The following AVPR1A variants were observed in gnomAD, a reference collection of about 807,000 sequenced individuals.
AVPR1A encodes the protein arginine vasopressin receptor 1A, also known as vasopressin V1a receptor.
AVPR1A carries 31 observed loss-of-function variants against 31.5 expected under a neutral mutation model. The observed-to-expected ratio is 0.99, with a 90% confidence interval of 0.74 to 1.33. AVPR1A has a LOEUF of 1.33. AVPR1A is among the 40% of genes most tolerant of loss of function. The probability of loss-of-function intolerance (pLI) is 0.00; values close to 1 mark genes in which losing one functional copy is unlikely to be tolerated. For synonymous variants in AVPR1A, 243 were observed against 233.2 expected (o/e 1.04, Z -0.38); for missense variants, 570 against 575.2 (o/e 0.99, Z 0.09).
intron 1 of AVPR1A, 135 bp from the exon 2 acceptor site, chr12:63,147,780 G>A: frequency 6.2e-6 from 6 of 962,178 alleles, no homozygotes; most frequent in Non-Finnish European, 9.0e-6. Flanking sequence ...ATCAATCAGG[G>A]AAATGGGGAG....
rs1040336808 is a variant in AVPR1A at position 63,143,511 on chromosome 12, C to T, written c.*3848G>A. ...ATGTGTGTGATTCGAACCATTTACACTGTCTTAAGCACTCAAAAGAAAGAA... is the reference window on the plus strand; with the variant it reads ...ATGTGTGTGATTCGAACCATTTACATTGTCTTAAGCACTCAAAAGAAAGAA... On this transcript the variant is annotated 3_prime_UTR_variant, in exon 2 of 2. Coordinates refer to ENST00000299178, the MANE Select transcript of AVPR1A (RefSeq NM_000706.5). The T allele has an allele frequency of 1.3e-5, 2 of 152,196 alleles. No individual in the cohort carries two copies. Among genetic ancestry groups the T allele is most frequent in the African/African-American group, 4.8e-5 (2 of 41,454 alleles). 9.4% of individuals were successfully genotyped at this position (152,196 alleles called of 1,614,324 possible). A position where few individuals can be genotyped will look rare whatever the true frequency, so the allele number is the denominator to read the frequency against.
chr12:63,145,146 A>C lies in AVPR1A; in HGVS notation c.*2213T>G, dbSNP rs1868347953. 4.9e-6 allele frequency: 1 copy of C among 205,440 alleles called. No homozygotes were observed. Among genetic ancestry groups the C allele is most frequent in the African/African-American group, 2.3e-5 (1 of 43,096 alleles). The allele number at this position is 205,440 out of a possible 1,614,324, so 12.7% of individuals were successfully genotyped here. A position where few individuals can be genotyped will look rare whatever the true frequency, so the allele number is the denominator to read the frequency against. ...ACTCAAATAATGAATTAATTAATTTAGTTATGGCTTATATTGGACAGTACC... is the reference window on the plus strand; with the variant it reads ...ACTCAAATAATGAATTAATTAATTTCGTTATGGCTTATATTGGACAGTACC... On this transcript the variant is annotated 3_prime_UTR_variant, in exon 2 of 2. Coordinates refer to ENST00000299178, the MANE Select transcript of AVPR1A (RefSeq NM_000706.5).
At chr12:63,147,765 T>A (rs1868380318) in intron 1 of AVPR1A, 120 bp from the exon 2 acceptor site, 5 of 1,137,596 alleles carry the variant, frequency 4.4e-6, no homozygotes, top group African/African-American at 1.6e-5. Flanking sequence ...TGAACTATTT[T>A]GTTTATCAAT....
chr12:63,145,180 G>C lies in AVPR1A; in HGVS notation c.*2179C>G. 1 of 313,364 alleles carries C rather than the reference G, an allele frequency of 3.2e-6. No homozygotes were observed. Among genetic ancestry groups the C allele is most frequent in the South Asian group, 2.9e-5 (1 of 34,926 alleles). 19.4% of individuals were successfully genotyped at this position (313,364 alleles called of 1,614,324 possible). ...TTATATTGGACAGTACCCTTTAAGA[G>C]ACATATTTGTTATTTTTAGAAAGAA... On this transcript the variant is annotated 3_prime_UTR_variant, in exon 2 of 2. Transcript: ENST00000299178.
rs1868479915 is a variant in AVPR1A at position 63,151,158 on chromosome 12, T to C, written c.-322A>G. On this transcript the variant is annotated 5_prime_UTR_variant, in exon 1 of 2. Coordinates refer to ENST00000299178, the MANE Select transcript of AVPR1A (RefSeq NM_000706.5). ...AGTATTTATGCGGTGCTTGTTTCCT[T>C]GGGACGCGCTCCCTCCCGCCCTATT... The C allele has an allele frequency of 6.9e-6, 2 of 288,994 alleles. No individual in the cohort carries two copies. Among genetic ancestry groups the C allele is most frequent in the Non-Finnish European group, 1.3e-5 (2 of 154,116 alleles). The allele number at this position is 288,994 out of a possible 1,614,324, so 17.9% of individuals were successfully genotyped here.
Position 63,146,308 on chromosome 12 carries a change from C to T in AVPR1A, c.*1051G>A, listed in dbSNP as rs1868359084. ...TTCCATCTGTCACCCATGTCCCAAC[C>T]CTGTCTCATCTCTGCTTTGCAATTG... On this transcript the variant is annotated 3_prime_UTR_variant, in exon 2 of 2. Transcript: ENST00000299178. 1 of 152,180 alleles carries T rather than the reference C, an allele frequency of 6.6e-6. No homozygotes were observed. Among genetic ancestry groups the T allele is most frequent in the African/African-American group, 2.4e-5 (1 of 41,444 alleles). The allele number at this position is 152,180 out of a possible 1,614,324, so 9.4% of individuals were successfully genotyped here. A position where few individuals can be genotyped will look rare whatever the true frequency, so the allele number is the denominator to read the frequency against.
Position 63,149,969 on chromosome 12 carries a change from C to T in AVPR1A, c.868G>A (p.Val290Met). The T allele has an allele frequency of 1.2e-6, 2 of 1,614,158 alleles. No individual in the cohort carries two copies. The highest frequency in any genetic ancestry group is 1.7e-6 in the Non-Finnish European group (2 of 1,180,040). ...GTCACGATCACAAAAGTCATCTTCA[C>T]CGTGCGGATCTTGGCCCGGGAAATG... ...KSISRAKIRT[V>M]KMTFVIVTAY... is the part of the protein sequence containing the mutation. The change falls in exon 1 of 2, where the codon GTG becomes ATG. Residue 290 changes from valine to methionine, a missense_variant. Val to Met is a conservative substitution (Grantham distance 21, BLOSUM62 1). Coordinates refer to ENST00000299178, the MANE Select transcript of AVPR1A (RefSeq NM_000706.5).
In AVPR1A at chr12:63,144,137, C is replaced by T. The variant is rs976021914; in HGVS notation, c.*3222G>A. On this transcript the variant is annotated 3_prime_UTR_variant, in exon 2 of 2. Coordinates refer to ENST00000299178, the MANE Select transcript of AVPR1A (RefSeq NM_000706.5). ...TTTTTCTCTAAAACCATACCCTTCC[C>T]GAAATCATGGCATAAGACTTGTTTG... 1.3e-5 allele frequency: 2 copies of T among 152,056 alleles called. No individual in the cohort carries two copies. The highest frequency in any genetic ancestry group is 2.4e-5 in the African/African-American group (1 of 41,394). The allele number at this position is 152,056 out of a possible 1,614,324, so 9.4% of individuals were successfully genotyped here. A position where few individuals can be genotyped will look rare whatever the true frequency, so the allele number is the denominator to read the frequency against.
rs773038860 is a variant in AVPR1A, at chr12:63,150,438, G to A, written c.399C>T (p.Phe133=). Residue 133 remains phenylalanine (F), a synonymous_variant, in exon 1 of 2, where the codon TTC becomes TTT. Transcript: ENST00000299178. This position sits in a 1 kb window ranked among gnomAD's most constrained non-coding sequence, Gnocchi z 4.9. ...GCATGTAGGCCGACGCAAACATGCC[G>A]AACACCTGCAGGTGCTTCACCACGC... ...LCRVVKHLQV[F]GMFASAYMLV... is the part of the protein sequence containing the mutation. 6.2e-7 allele frequency: 1 copy of A among 1,613,508 alleles called. No homozygotes were observed. Among genetic ancestry groups the A allele is most frequent in the South Asian group, 1.1e-5 (1 of 91,040 alleles).
chr12:63,147,934 A>T (rs10219543), intron 1 of AVPR1A, among the ~76,000 whole-genome samples: 52,998 of 152,092 alleles, frequency 0.35, 9,953 homozygotes, highest in Admixed American at 0.45. Flanking sequence ...TAATTGATTT[A>T]AAAAATCTCT....
Position 63,148,295 on chromosome 12 carries a change from T to C in AVPR1A, c.971-650A>G, listed in dbSNP as rs751441031. On this transcript the variant is annotated intron_variant, in intron 1 of 1. Transcript: ENST00000299178. ...TAAAATATTTTATGATAATTAGCAC[T>C]GGTAAACTGCATAAATATTATAACC... Among the ~76,000 whole-genome samples the C allele has an allele frequency of 6.4e-4, 97 of 152,284 alleles. No homozygotes were observed. The Middle Eastern group carries it at 0.02, about 32-fold the overall frequency.
chr12:63,149,817 C>A (rs1868427325), intron 1 of AVPR1A, 50 bp downstream of exon 1: 2 of 1,582,832 alleles, frequency 1.3e-6, no homozygotes, highest in South Asian at 2.3e-5. Flanking sequence ...CACACACACA[C>A]ACACACACAC....
Position 63,150,218 on chromosome 12 carries a change from A to C in AVPR1A, c.619T>G (p.Phe207Val), listed in dbSNP as rs748572296. The part of the protein sequence containing the change: ...VTKARDCWAT[F>V]IQPWGSRAYV... The stretch of plus-strand genomic sequence containing the variant: ...GCACGAGAACCCCAGGGCTGGATGA[A>C]GGTGGCCCAGCAGTCGCGGGCCTTG... Residue 207 changes from phenylalanine (F) to valine (V), a missense_variant, in exon 1 of 2, where the codon TTC (phenylalanine) becomes GTC (valine). Physicochemically the swap from Phe to Val is conservative, Grantham distance 50. Transcript: ENST00000299178. The surrounding 1 kb of genome is among the most constrained non-coding windows in gnomAD (Gnocchi z 4.9). 6.2e-7 allele frequency: 1 copy of C among 1,613,940 alleles called. No individual in the cohort carries two copies. Among genetic ancestry groups the C allele is most frequent in the Admixed American group, 1.7e-5 (1 of 60,032 alleles).
Position 63,150,950 on chromosome 12 carries a change from G to T in AVPR1A, c.-114C>A. 7.1e-7 allele frequency: 1 copy of T among 1,407,336 alleles called. No individual in the cohort carries two copies. The highest frequency in any genetic ancestry group is 9.3e-7 in the Non-Finnish European group (1 of 1,075,592). The allele number at this position is 1,407,336 out of a possible 1,614,324, so 87.2% of individuals were successfully genotyped here. A position where few individuals can be genotyped will look rare whatever the true frequency, so the allele number is the denominator to read the frequency against. On this transcript the variant is annotated 5_prime_UTR_variant, in exon 1 of 2. Coordinates refer to ENST00000299178, the MANE Select transcript of AVPR1A (RefSeq NM_000706.5). The surrounding 1 kb of genome is among the most constrained non-coding windows in gnomAD (Gnocchi z 4.9). ...GTCCGAAGCGCAGGGTCTTTGGCGC[G>T]CTCGCAGCTTGCCGGGCTCTGCGAT...
rs558973145 is a variant in AVPR1A, at chr12:63,147,302, A to G, written c.*57T>C. 1.2e-5 allele frequency: 19 copies of G among 1,560,368 alleles called. No individual in the cohort carries two copies. The highest frequency in any genetic ancestry group is 1.7e-5 in the Non-Finnish European group (19 of 1,138,426). ...ATTTGTTCTTGTGATTTCTAGCTCA[A>G]TTCAGCTAATGAGCCAAAAAGTCAA... is the stretch of plus-strand genomic sequence containing the variant. On this transcript the variant is annotated 3_prime_UTR_variant, in exon 2 of 2. Coordinates refer to ENST00000299178, the MANE Select transcript of AVPR1A (RefSeq NM_000706.5).
chr12:63,147,383 G>T lies in AVPR1A; in HGVS notation c.1233C>A (p.Ile411=), dbSNP rs1337911596. ...WKDSPKSSKS[I]KFIPVST is the part of the protein sequence containing the mutation. ...CTCAAGTTGAAACAGGAATGAATTT[G>T]ATGGACTTGGAAGATTTAGGCGAGT... The change falls in exon 2 of 2, where the codon ATC becomes ATA. Residue 411 remains isoleucine, a synonymous_variant. Transcript: ENST00000299178. 2 of 1,613,590 alleles carry T rather than the reference G, an allele frequency of 1.2e-6. No homozygotes were observed. Among genetic ancestry groups the T allele is most frequent in the African/African-American group, 1.3e-5 (1 of 75,060 alleles).
At position 63,147,596 on chromosome 12, in the gene AVPR1A, A is replaced by G; in HGVS notation, c.1020T>C (p.Asn340=). The part of the protein sequence containing the change: ...ITITALLGSL[N]SCCNPWIYMF... ...TGTATATCCAGGGATTACAGCAGCT[A>G]TTCAAGGAACCCAGTAATGCAGTGA... Residue 340 remains asparagine, a synonymous_variant, in exon 2 of 2, where the codon AAT becomes AAC. Transcript: ENST00000299178. The G allele has an allele frequency of 2.5e-6, 4 of 1,614,130 alleles. No individual in the cohort carries two copies. The highest frequency in any genetic ancestry group is 2.5e-6 in the Non-Finnish European group (3 of 1,179,982).
Position 63,145,461 on chromosome 12 carries a change from C to T in AVPR1A, c.*1898G>A. 2.3e-6 allele frequency: 1 copy of T among 431,502 alleles called. No homozygotes were observed. The highest frequency in any genetic ancestry group is 1.7e-5 in the South Asian group (1 of 60,056). The allele number at this position is 431,502 out of a possible 1,614,324, so 26.7% of individuals were successfully genotyped here. ...CCAACATGGTGAAACCCCATCTCTA[C>T]TAAAAATATAAAAATTAGCTGGGTG... On this transcript the variant is annotated 3_prime_UTR_variant, in exon 2 of 2. Transcript: ENST00000299178.
At chr12:63,149,765 ATTT>A (rs143430583) in intron 1 of AVPR1A, 99 bp downstream of exon 1, 19 of 1,228,288 alleles carry the variant, frequency 1.5e-5, no homozygotes, top group African/African-American at 6.0e-5. Flanking sequence ...CTAGATTCTC[ATTT>A]TTTTCTCTCT....
Sources: allele counts gnomAD v4.1 joint callset (sites outside exome capture counted in the v4.1 genomes callset), GRCh38; gene constraint gnomAD v4.1.1; non-coding constraint Gnocchi (gnomAD v3.1); transcripts MANE v1.5; gene names NCBI Gene and HGNC (gene_info 2026-07-23, HGNC 2026-07-21).